PTPRM: variants seen among roughly 807,000 people sequenced by gnomAD.
PTPRM encodes the protein protein tyrosine phosphatase receptor type M.
Under a neutral mutation model 186.7 loss-of-function variants are expected in PTPRM, and 47 were observed. The observed-to-expected ratio is 0.25, with a 90% confidence interval of 0.20 to 0.32. PTPRM has a LOEUF of 0.32. PTPRM is among the 10% of genes least tolerant of loss of function. The pLI is 1.00. For synonymous variants in PTPRM, 668 were observed against 674.9 expected (o/e 0.99, Z 0.16); for missense variants, 1,494 against 1,865.0 (o/e 0.80, Z 3.66).
chr18:7,769,147 T>TAACC (rs2042156656), intron 1 of PTPRM, among the ~76,000 whole-genome samples: 1 of 152,126 alleles, frequency 6.6e-6, no homozygotes, highest in African/African-American at 2.4e-5. Flanking sequence ...TTCCCAGGGT[T>TAACC]CTGGGAAGGA....
At position 7,759,309 on chromosome 18, in the gene PTPRM, G is replaced by T. The variant is rs1000744632; in HGVS notation, c.74-14840G>T. Among the ~76,000 whole-genome samples, 4 of 152,338 alleles carry T rather than the reference G, an allele frequency of 2.6e-5. 1 individual carries two copies. The highest frequency in any genetic ancestry group is 9.6e-5 in the African/African-American group (4 of 41,574). ...GTATTTAAAGAATATCTCAAAGAGA[G>T]ATCCAAGCCACAGATAATCAAATAT... On this transcript the variant is annotated intron_variant, in intron 1 of 32. Coordinates refer to ENST00000580170, the MANE Select transcript of PTPRM (RefSeq NM_001105244.2).
chr18:8,118,849 G>A (rs2092064528), intron 13 of PTPRM, among the ~76,000 whole-genome samples: 1 of 146,970 alleles, frequency 6.8e-6, no homozygotes, highest in African/African-American at 2.5e-5. Context: ...TTATACATGG[G>A]CTTTTTTTTT....
chr18:7,878,717 C>A (rs1392578838), intron 2 of PTPRM, among the ~76,000 whole-genome samples: 1 of 152,060 alleles, frequency 6.6e-6, no homozygotes, highest in Non-Finnish European at 1.5e-5. Context: ...GATCTGCAGA[C>A]CATACTGAGT....
At chr18:8,290,497 T>C (rs1157712483) in intron 19 of PTPRM, among the ~76,000 whole-genome samples, 1 of 152,078 alleles carries the variant, frequency 6.6e-6, no homozygotes, top group East Asian at 1.9e-4. Flanking sequence ...GATGTATAAT[T>C]ATATCCTGTG....
At chr18:8,316,332 TG>T (rs2095308698) in intron 21 of PTPRM, among the ~76,000 whole-genome samples, 1 of 152,224 alleles carries the variant, frequency 6.6e-6, no homozygotes, top group African/African-American at 2.4e-5. Flanking sequence ...AAACACCCAC[TG>T]AAGGAGTCAT....
intron 7 of PTPRM, among the ~76,000 whole-genome samples, chr18:8,068,268 A>G (rs1050694020): frequency 6.6e-6 from 1 of 151,172 alleles, no homozygotes; most frequent in South Asian, 2.1e-4. Context: ...CTTTACATTC[A>G]TATTTGGTGA....
At chr18:7,622,140 G>A (rs73939309) in intron 1 of PTPRM, among the ~76,000 whole-genome samples, 1 of 152,074 alleles carries the variant, frequency 6.6e-6, no homozygotes, top group Non-Finnish European at 1.5e-5. Context: ...GTCAGTGTTC[G>A]AGATTTTGAC....
chr18:7,924,962 T>TA (rs1453266099), intron 4 of PTPRM, among the ~76,000 whole-genome samples: 1 of 152,154 alleles, frequency 6.6e-6, no homozygotes, highest in Non-Finnish European at 1.5e-5. Flanking sequence ...TTCTTACACT[T>TA]ACTAGCCAAG....
Position 7,656,303 on chromosome 18 carries a change from A to C in PTPRM, c.73+88412A>C, listed in dbSNP as rs187557063. ...AACCTTGAGGACGTTGTGCTGAGTG[A>C]AATAAGCTGATCACAGAAAGACAAA... On this transcript the variant is annotated intron_variant, in intron 1 of 32. Coordinates refer to ENST00000580170, the MANE Select transcript of PTPRM (RefSeq NM_001105244.2). 3.9e-3 allele frequency among the ~76,000 whole-genome samples: 597 copies of C among 152,340 alleles called. 5 individuals are homozygous for C. The highest frequency in any genetic ancestry group is 0.014 in the African/African-American group (563 of 41,576).
At position 7,631,573 on chromosome 18, in the gene PTPRM, C is replaced by T. The variant is rs368100080; in HGVS notation, c.73+63682C>T. 3.6e-4 allele frequency among the ~76,000 whole-genome samples: 55 copies of T among 152,082 alleles called. No homozygotes were observed. The East Asian group carries it at 4.8e-3, about 13-fold the overall frequency. ...TTGTCTAGAGCAAGGTTGTCCAGCCCGCGGCCCAGGATGGCTTTGAATGTG... is the reference window on the plus strand; with the variant it reads ...TTGTCTAGAGCAAGGTTGTCCAGCCTGCGGCCCAGGATGGCTTTGAATGTG... On this transcript the variant is annotated intron_variant, in intron 1 of 32. Transcript: ENST00000580170.
intron 14 of PTPRM, among the ~76,000 whole-genome samples, chr18:8,157,922 C>G (rs545850604): frequency 3.3e-5 from 5 of 152,176 alleles, no homozygotes; most frequent in East Asian, 1.9e-4. Context: ...TGCATAAAGG[C>G]CTTGTCATGT....
chr18:8,368,413 A>G (rs139861798), intron 23 of PTPRM, among the ~76,000 whole-genome samples: 67 of 152,270 alleles, frequency 4.4e-4, no homozygotes, highest in Non-Finnish European at 7.4e-4. Context: ...TTTCTGAGAT[A>G]TTATAGATAA....
At chr18:7,973,592 T>C (rs915658575) in intron 7 of PTPRM, among the ~76,000 whole-genome samples, 1 of 152,186 alleles carries the variant, frequency 6.6e-6, no homozygotes. Context: ...ATAGTAGGGT[T>C]ATTTACCATT....
chr18:8,113,280 G>C (rs2091834306), intron 11 of PTPRM, among the ~76,000 whole-genome samples: 1 of 152,202 alleles, frequency 6.6e-6, no homozygotes, highest in Non-Finnish European at 1.5e-5. Context: ...TTTTGGGTGA[G>C]AGAGTTCTGA....
At chr18:8,387,793 A>T (rs1326785366) in intron 31 of PTPRM, among the ~76,000 whole-genome samples, 1 of 151,880 alleles carries the variant, frequency 6.6e-6, no homozygotes, top group African/African-American at 2.4e-5. Flanking sequence ...TTTTGGGAGA[A>T]TGTGTATATT....
intron 1 of PTPRM, among the ~76,000 whole-genome samples, chr18:7,717,599 G>A (rs899179319): frequency 2.0e-5 from 3 of 152,210 alleles, no homozygotes; most frequent in African/African-American, 7.2e-5. Flanking sequence ...CACTGGCAGA[G>A]GGCAGCTGCC....
intron 7 of PTPRM, among the ~76,000 whole-genome samples, chr18:7,998,455 C>G (rs2083671472): frequency 6.6e-6 from 1 of 152,096 alleles, no homozygotes. Context: ...ATTACATGTA[C>G]TCCACAATTA....
chr18:7,895,372 G>T (rs2049300800), intron 3 of PTPRM, among the ~76,000 whole-genome samples: 1 of 152,190 alleles, frequency 6.6e-6, no homozygotes, highest in Non-Finnish European at 1.5e-5. Flanking sequence ...CTTCCTAAAT[G>T]TGTTTAGTGG....
intron 20 of PTPRM, among the ~76,000 whole-genome samples, chr18:8,297,091 G>A (rs985787562): frequency 6.6e-6 from 1 of 152,150 alleles, no homozygotes; most frequent in Non-Finnish European, 1.5e-5. Context: ...ACACGCGCTA[G>A]ATTGATGAAA....
Sources: gnomAD v4.1 joint callset for allele counts (sites outside exome capture counted in the v4.1 genomes callset) on GRCh38, gnomAD v4.1.1 for gene constraint, MANE v1.5 for transcripts, NCBI Gene and HGNC (gene_info 2026-07-23, HGNC 2026-07-21) for gene names.